Variants in PNPLA4 observed in about 807,000 individuals in gnomAD.
The protein encoded by PNPLA4 is patatin-like phospholipase domain-containing protein 4.
Under a neutral mutation model 18.3 loss-of-function variants are expected in PNPLA4, and 15 were observed. The observed-to-expected ratio is 0.82, with a 90% confidence interval of 0.55 to 1.26. PNPLA4 has a LOEUF of 1.26. Among genes scored for constraint, PNPLA4 ranks in the 50% most tolerant of loss-of-function variants. The pLI is 0.00. For synonymous variants in PNPLA4, 88 were observed against 85.6 expected, an observed-to-expected ratio of 1.03 and a Z score of -0.16; for missense variants, 229 against 196.8, an observed-to-expected ratio of 1.16 and a Z score of -0.98.
intron 5 of PNPLA4, among the ~76,000 whole-genome samples, chrX:7,910,483 A>G (rs1190423110): frequency 1.8e-5 from 2 of 109,986 alleles, no homozygotes; most frequent in African/African-American, 6.6e-5. Flanking sequence ...AAATAAATAT[A>G]TATTACATAT....
chrX:7,901,617 C>T (rs145203518), intron 6 of PNPLA4, among the ~76,000 whole-genome samples: 116 of 110,714 alleles, frequency 1.0e-3, no homozygotes, highest in Middle Eastern at 4.2e-3. Context: ...TGATATCCTA[C>T]CAAGTTTATT....
intron 5 of PNPLA4, among the ~76,000 whole-genome samples, chrX:7,909,373 C>T (rs1201025266): frequency 9.0e-6 from 1 of 110,819 alleles, no homozygotes; most frequent in African/African-American, 3.3e-5. Context: ...TCCCGGCTAA[C>T]ACGGTGAAAC....
chrX:7,917,663 T>C (rs1032547659), intron 4 of PNPLA4, among the ~76,000 whole-genome samples: 1 of 112,238 alleles, frequency 8.9e-6, no homozygotes, highest in African/African-American at 3.2e-5. Flanking sequence ...TCATTAGTAT[T>C]ACTGTGTGAA....
At chrX:7,919,284 T>G (rs1242486356) in intron 4 of PNPLA4, among the ~76,000 whole-genome samples, 4 of 112,703 alleles carry the variant, frequency 3.5e-5, no homozygotes, top group Non-Finnish European at 7.5e-5. Context: ...AGTCTGAGGG[T>G]CCAAAGTCTG....
Position 7,902,069 on chromosome X carries a change from A to G in PNPLA4, c.550T>C (p.Phe184Leu). Residue 184 changes from phenylalanine (F) to leucine (L), a missense_variant, in exon 6 of 7, where the codon TTC becomes CTC. Coordinates refer to ENST00000381042, the MANE Select transcript of PNPLA4 (RefSeq NM_004650.3). ...PVGRTVTISP[F>L]SGRLDISPQD... ...GGGGAGATGTCCAGTCGTCCACTGA[A>G]GGGGGAGATGGTTACTGTCCGGCCG... is the stretch of plus-strand genomic sequence containing the variant. 8.3e-7 allele frequency: 1 copy of G among 1,209,141 alleles called. No homozygotes were observed. The highest frequency in any genetic ancestry group is 1.1e-6 in the Non-Finnish European group (1 of 893,776).
Position 7,921,708 on chromosome X carries a change from G to A in PNPLA4, c.411+5C>T, listed in dbSNP as rs1924221829. 1.7e-6 allele frequency: 2 copies of A among 1,205,939 alleles called. No homozygotes were observed. Among genetic ancestry groups the A allele is most frequent in the Non-Finnish European group, 2.2e-6 (2 of 890,784 alleles). ...TTCTTCAAATAGGAAACATGGCTTT[G>A]TTACCTTAATGAGGTCCTCCCTGGA... On this transcript the variant is annotated splice_donor_5th_base_variant and intron_variant, in intron 4 of 6. Coordinates refer to ENST00000381042, the MANE Select transcript of PNPLA4 (RefSeq NM_004650.3).
At chrX:7,919,790 G>A (rs969812702) in intron 4 of PNPLA4, among the ~76,000 whole-genome samples, 4 of 111,998 alleles carry the variant, frequency 3.6e-5, no homozygotes, top group Non-Finnish European at 7.5e-5. Context: ...AGTTAGGGAA[G>A]AATGCTAGAC....
rs1050222670 is a variant in PNPLA4 at position 7,921,868 on chromosome X, C to T, written c.276-20G>A. 1.5e-5 allele frequency: 18 copies of T among 1,186,267 alleles called. No homozygotes were observed. Among genetic ancestry groups the T allele is most frequent in the Non-Finnish European group, 1.8e-5 (16 of 877,461 alleles). On this transcript the variant is annotated intron_variant, in intron 3 of 6. Coordinates refer to ENST00000381042, the MANE Select transcript of PNPLA4 (RefSeq NM_004650.3). ...CCACTTCTAAAGAAGAAAAAGCAATCTGAATTACTCACCTTTAATTATTGA... is the reference window on the plus strand; with the variant it reads ...CCACTTCTAAAGAAGAAAAAGCAATTTGAATTACTCACCTTTAATTATTGA...
rs767086304 is a variant in PNPLA4, at chrX:7,900,755, C to A, written c.693G>T (p.Met231Ile). 2.5e-6 allele frequency: 3 copies of A among 1,197,123 alleles called. No individual in the cohort carries two copies. Among genetic ancestry groups the A allele is most frequent in the Non-Finnish European group, 1.1e-6 (1 of 884,666 alleles). The change falls in exon 7 of 7, where the codon ATG becomes ATT. Residue 231 changes from methionine (M) to isoleucine (I), a missense_variant. Physicochemically the swap from Met to Ile is conservative, Grantham distance 10 (BLOSUM62 1). Coordinates refer to ENST00000381042, the MANE Select transcript of PNPLA4 (RefSeq NM_004650.3). Reference sequence around the variant, plus strand: ...CAAAACCACACTGATACAAAGATTCCATTTTCCTCTTGCTTGGGGGAAAAA... The same window carrying A: ...CAAAACCACACTGATACAAAGATTCAATTTTCCTCTTGCTTGGGGGAAAAA... ...QALFPPSKRK[M>I]ESLYQCGFDD...
At chrX:7,916,352 T>C (rs1287340638) in intron 4 of PNPLA4, among the ~76,000 whole-genome samples, 1 of 111,119 alleles carries the variant, frequency 9.0e-6, no homozygotes, top group Non-Finnish European at 1.9e-5. Context: ...TCGAAATGAA[T>C]GAGTTGGTAT....
rs777422358 is a variant in PNPLA4, at chrX:7,921,771, G to A, written c.353C>T (p.Ala118Val). The change falls in exon 4 of 7, where the codon GCC becomes GTC. Residue 118 changes from alanine (A) to valine (V), a missense_variant. Coordinates refer to ENST00000381042, the MANE Select transcript of PNPLA4 (RefSeq NM_004650.3). ...QNRLHVSITN[A>V]KTRENHLVST... is the part of the protein sequence containing the mutation. ...GACTAAGTGATTTTCTCTGGTTTTGGCGTTGGTGATGGATACGTGCAGTCG... is the reference window on the plus strand; with the variant it reads ...GACTAAGTGATTTTCTCTGGTTTTGACGTTGGTGATGGATACGTGCAGTCG... 4 of 1,206,771 alleles carry A rather than the reference G, an allele frequency of 3.3e-6. No homozygotes were observed. The highest frequency in any genetic ancestry group is 3.0e-5 in the East Asian group (1 of 33,750).
intron 2 of PNPLA4, among the ~76,000 whole-genome samples, chrX:7,924,286 C>T (rs751765820): frequency 8.9e-6 from 1 of 111,766 alleles, no homozygotes; most frequent in East Asian, 2.8e-4. Flanking sequence ...ATTAATTACA[C>T]ACGTATTTGT....
intron 5 of PNPLA4, among the ~76,000 whole-genome samples, chrX:7,908,879 T>A (rs1247273921): frequency 9.0e-6 from 1 of 111,504 alleles, no homozygotes; most frequent in Non-Finnish European, 1.9e-5. Context: ...GCCTGTGCGT[T>A]CCCTGCTGTT....
chrX:7,915,027 G>C (rs1257146135), intron 4 of PNPLA4, among the ~76,000 whole-genome samples: 5 of 111,993 alleles, frequency 4.5e-5, no homozygotes, highest in African/African-American at 1.6e-4. Flanking sequence ...AGATAGTTAA[G>C]AGCTAAGCAG....
intron 4 of PNPLA4, among the ~76,000 whole-genome samples, chrX:7,918,242 A>T (rs1315323277): frequency 8.9e-6 from 1 of 111,912 alleles, no homozygotes; most frequent in Non-Finnish European, 1.9e-5. Context: ...TAAATTATAA[A>T]GAAAAAGAGG....
At position 7,899,213 on chromosome X, in the gene PNPLA4, CT is replaced by C. The variant is rs1212269901; in HGVS notation, c.*1472del. The C allele has an allele frequency of 4.5e-5, 5 of 111,608 alleles. No homozygotes were observed. Among genetic ancestry groups the C allele is most frequent in the African/African-American group, 1.6e-4 (5 of 30,757 alleles). 9.2% of individuals were successfully genotyped at this position (111,608 alleles called of 1,213,427 possible). On this transcript the variant is annotated 3_prime_UTR_variant, in exon 7 of 7. Coordinates refer to ENST00000381042, the MANE Select transcript of PNPLA4 (RefSeq NM_004650.3). ...ATGTGCTAAAAGTTGTGTATTTTGGCTTCTGAGAACCATAAAATTGACTCAA... is the reference window on the plus strand; with the variant it reads ...ATGTGCTAAAAGTTGTGTATTTTGGCTCTGAGAACCATAAAATTGACTCAA...
chrX:7,919,294 G>A (rs1924140340), intron 4 of PNPLA4, among the ~76,000 whole-genome samples: 1 of 112,879 alleles, frequency 8.9e-6, no homozygotes, highest in Admixed American at 9.3e-5. Context: ...TCCAAAGTCT[G>A]GTATGGGTCC....
At chrX:7,917,879 T>C (rs1039638476) in intron 4 of PNPLA4, among the ~76,000 whole-genome samples, 7 of 111,986 alleles carry the variant, frequency 6.3e-5, no homozygotes, top group Non-Finnish European at 1.1e-4. Flanking sequence ...GCTACAGGTT[T>C]CTAGTTGGAT....
At chrX:7,900,937 G>A in intron 6 of PNPLA4, 120 bp from the exon 7 acceptor site, 1 of 567,312 alleles carries the variant, frequency 1.8e-6, no homozygotes, top group Non-Finnish European at 2.7e-6. Context: ...AAAATCAGTA[G>A]GAAAAATTTA....
Sources: allele counts gnomAD v4.1 joint callset (sites outside exome capture counted in the v4.1 genomes callset), GRCh38; gene constraint gnomAD v4.1.1; transcripts MANE v1.5; gene names NCBI Gene and HGNC (gene_info 2026-07-23, HGNC 2026-07-21).